Variants in KDR observed in about 807,000 individuals in gnomAD.
KDR encodes the protein vascular endothelial growth factor receptor 2.
Under a neutral mutation model 160.9 loss-of-function variants are expected in KDR, and 43 were observed. The ratio of observed to expected loss-of-function variants is 0.27; its 90% confidence interval spans 0.21 to 0.34. KDR has a LOEUF of 0.34. Ranked by LOEUF, KDR falls within the 10% of genes least tolerant of loss-of-function variation. KDR has a pLI of 1.00. For synonymous variants in KDR, 617 were observed against 600.1 expected (o/e 1.03, Z -0.41); for missense variants, 1,469 against 1,666.4 (o/e 0.88, Z 2.06).
At chr4:55,097,395 A>C (rs1371772594) in intron 18 of KDR, among the ~76,000 whole-genome samples, 1 of 152,170 alleles carries the variant, frequency 6.6e-6, no homozygotes, top group African/African-American at 2.4e-5. Context: ...AGAACCACTA[A>C]GTACAACTGT....
chr4:55,118,367 T>C (rs1297614800), intron 3 of KDR, among the ~76,000 whole-genome samples: 2 of 152,154 alleles, frequency 1.3e-5, no homozygotes, highest in Admixed American at 6.5e-5. Flanking sequence ...CAGATTTACC[T>C]TGGAAACAAA....
intron 5 of KDR, among the ~76,000 whole-genome samples, chr4:55,114,659 T>TA (rs1720687492): frequency 6.6e-6 from 1 of 152,224 alleles, no homozygotes; most frequent in Non-Finnish European, 1.5e-5. Flanking sequence ...ATCCTTTTTT[T>TA]AAAAAGTTTT....
Position 55,097,829 on chromosome 4 carries a change from C to G in KDR, c.2510-63G>C, listed in dbSNP as rs570946461. 1.2e-5 allele frequency: 14 copies of G among 1,144,654 alleles called. No homozygotes were observed. In the East Asian group the frequency reaches 3.3e-4, roughly 27 times the overall value. 70.9% of individuals were successfully genotyped at this position (1,144,654 alleles called of 1,614,324 possible). A position where few individuals can be genotyped will look rare whatever the true frequency, so the allele number is the denominator to read the frequency against. On this transcript the variant is annotated intron_variant, in intron 17 of 29. Coordinates refer to ENST00000263923, the MANE Select transcript of KDR (RefSeq NM_002253.4). ...GGATTACTATACAACCAAAGTGATA[C>G]GCAGAGACATCAACTAGATAGGGTG...
intron 26 of KDR, 104 bp downstream of exon 26, chr4:55,088,764 T>C (rs544651732): frequency 1.3e-5 from 10 of 771,980 alleles, no homozygotes; most frequent in Non-Finnish European, 2.1e-5. Context: ...GATTATTCAA[T>C]GGCTGAGAGG....
chr4:55,105,061 T>C (rs1720409701), intron 12 of KDR, 77 bp from the exon 13 acceptor site: 2 of 1,156,764 alleles, frequency 1.7e-6, no homozygotes, highest in Non-Finnish European at 2.5e-6. Flanking sequence ...GCTTTCAGAC[T>C]ACTACAAAGT....
chr4:55,082,097 A>G, intron 28 of KDR, 56 bp from the exon 29 acceptor site: 3 of 1,188,516 alleles, frequency 2.5e-6, no homozygotes. Context: ...ATGACCAACT[A>G]TTTAATTAAG....
chr4:55,113,649 A>G (rs1259812602), intron 6 of KDR, among the ~76,000 whole-genome samples, 168 bp from the exon 7 acceptor site: 1 of 152,222 alleles, frequency 6.6e-6, no homozygotes, highest in Non-Finnish European at 1.5e-5. Flanking sequence ...ATTTTGTTTC[A>G]GGAGAAATAA....
In KDR at chr4:55,110,682, G is replaced by A. The variant is rs2110027933; in HGVS notation, c.1063C>T (p.Leu355Phe). 1 of 1,613,664 alleles carries A rather than the reference G, an allele frequency of 6.2e-7. No individual in the cohort carries two copies. The highest frequency in any genetic ancestry group is 8.5e-7 in the Non-Finnish European group (1 of 1,179,924). The stretch of plus-strand genomic sequence containing the variant: ...TTTATTTCTGGGGGTGGGTAACCAA[G>A]GTACTTCGCAGGGATTCTGACACGC... Reference protein sequence around the residue: ...GERVRIPAKYLGYPPPEIKWY... With the variant: ...GERVRIPAKYFGYPPPEIKWY... The change falls in exon 8 of 30, where the codon CTT (leucine) becomes TTT (phenylalanine). Residue 355 changes from leucine (L) to phenylalanine (F), a missense_variant. By Grantham distance (22) the Leu-to-Phe change is conservative. Around this residue, in one of 7 missense-constraint regions of KDR, gnomAD observed 792 missense variants for 840.9 expected, o/e 0.94. Coordinates refer to ENST00000263923, the MANE Select transcript of KDR (RefSeq NM_002253.4).
At position 55,105,925 on chromosome 4, in the gene KDR, C is replaced by A. The variant is rs765996740; in HGVS notation, c.1552G>T (p.Val518Phe). The change falls in exon 12 of 30, where the codon GTT becomes TTT. Residue 518 changes from valine to phenylalanine, a missense_variant. Around this residue, in one of 7 missense-constraint regions of KDR, gnomAD observed 792 missense variants for 840.9 expected, o/e 0.94. Coordinates refer to ENST00000263923, the MANE Select transcript of KDR (RefSeq NM_002253.4). ...EGKNKTVSTL[V>F]IQAANVSALY... Reference sequence around the variant, plus strand: ...GCTGACACATTTGCCGCTTGGATAACAAGGGTACTTACAGTCTGTGCGGGG... The same window carrying A: ...GCTGACACATTTGCCGCTTGGATAAAAAGGGTACTTACAGTCTGTGCGGGG... 1 of 1,612,552 alleles carries A rather than the reference C, an allele frequency of 6.2e-7. No individual in the cohort carries two copies. Among genetic ancestry groups the A allele is most frequent in the East Asian group, 2.2e-5 (1 of 44,874 alleles).
chr4:55,081,443 A>G (rs1270531504), intron 29 of KDR, among the ~76,000 whole-genome samples: 2 of 152,216 alleles, frequency 1.3e-5, no homozygotes, highest in African/African-American at 2.4e-5. Flanking sequence ...ACTGAGCCAT[A>G]GAAGGGAGAT....
chr4:55,118,903 A>G, intron 2 of KDR, 103 bp from the exon 3 acceptor site: 5 of 911,108 alleles, frequency 5.5e-6, no homozygotes, highest in Non-Finnish European at 8.8e-6. Flanking sequence ...TAAACTCTTC[A>G]ACAGACACAG....
intron 15 of KDR, 134 bp downstream of exon 15, chr4:55,101,763 C>G: frequency 6.7e-6 from 5 of 751,046 alleles, no homozygotes; most frequent in Non-Finnish European, 2.3e-6. Flanking sequence ...GTTTTCTGTT[C>G]CTGTGTTAGT....
chr4:55,092,164 CACACAGAGAAGCATAAACAT>C (rs1465613786), intron 22 of KDR: 1 of 207,688 alleles, frequency 4.8e-6, no homozygotes, highest in Non-Finnish European at 9.9e-6. Context: ...TAGATGTACA[CACACAGAGAAGCATAAACAT>C]ACACAAGTGC....
At chr4:55,100,915 C>T (rs1027144581) in intron 15 of KDR, among the ~76,000 whole-genome samples, 2 of 152,090 alleles carry the variant, frequency 1.3e-5, no homozygotes, top group Middle Eastern at 3.4e-3. Flanking sequence ...AAAAAAAAGC[C>T]ATAGGAATAT....
rs528826057 is a variant in KDR, at chr4:55,098,832, A to G, written c.2267-29T>C. On this transcript the variant is annotated intron_variant, in intron 15 of 29. Coordinates refer to ENST00000263923, the MANE Select transcript of KDR (RefSeq NM_002253.4). ...GAAAGACACAATTGAATGAGTATCA[A>G]CAGTTGGAAACTTATACTTTTTGTT... is the stretch of plus-strand genomic sequence containing the variant. 3.4e-6 allele frequency: 5 copies of G among 1,481,442 alleles called. No individual in the cohort carries two copies. The African/African-American group carries it at 5.5e-5, about 16-fold the overall frequency. The allele number at this position is 1,481,442 out of a possible 1,614,324, so 91.8% of individuals were successfully genotyped here. A position where few individuals can be genotyped will look rare whatever the true frequency, so the allele number is the denominator to read the frequency against.
rs994572357 is a variant in KDR at position 55,118,458 on chromosome 4, A to G, written c.358+146T>C. On this transcript the variant is annotated intron_variant, in intron 3 of 29. Coordinates refer to ENST00000263923, the MANE Select transcript of KDR (RefSeq NM_002253.4). The stretch of plus-strand genomic sequence containing the variant: ...TCAATGAGTCTTATTTCTCAGAGAA[A>G]GCCTCAGGAGAGAAGAATTGTGTGT... 7.1e-6 allele frequency: 5 copies of G among 701,426 alleles called. No homozygotes were observed. The Admixed American group carries it at 1.1e-4, about 15-fold the overall frequency. The allele number at this position is 701,426 out of a possible 1,614,324, so 43.5% of individuals were successfully genotyped here. A position where few individuals can be genotyped will look rare whatever the true frequency, so the allele number is the denominator to read the frequency against.
At chr4:55,094,105 A>C (rs1224249996) in intron 21 of KDR, among the ~76,000 whole-genome samples, 1 of 152,144 alleles carries the variant, frequency 6.6e-6, no homozygotes, top group African/African-American at 2.4e-5. Context: ...GCTACTCGGA[A>C]GGCTGAGGCA....
At chr4:55,114,739 GAGC>G in intron 5 of KDR, 132 bp downstream of exon 5, 2 of 760,302 alleles carry the variant, frequency 2.6e-6, no homozygotes, top group South Asian at 3.2e-5. Context: ...TGGTAGAGAA[GAGC>G]AGATGAATTG....
intron 28 of KDR, 125 bp from the exon 29 acceptor site, chr4:55,082,166 G>T: frequency 1.3e-6 from 1 of 785,504 alleles, no homozygotes; most frequent in African/African-American, 1.7e-5. Flanking sequence ...AGAACATAAA[G>T]GTATCATAGC....
Sources: allele counts gnomAD v4.1 joint callset (sites outside exome capture counted in the v4.1 genomes callset), GRCh38; gene constraint gnomAD v4.1.1; regional missense constraint gnomAD v4.1.1; transcripts MANE v1.5; gene names NCBI Gene and HGNC (gene_info 2026-07-23, HGNC 2026-07-21).